The following BRINP3 variants were observed in gnomAD, a reference collection of about 807,000 sequenced individuals.
The protein encoded by BRINP3 is BMP/retinoic acid-inducible neural-specific protein 3.
A neutral mutation model predicts 71.0 loss-of-function variants in BRINP3; 19 were observed. The ratio of observed to expected loss-of-function variants is 0.27; its 90% CI spans 0.19 to 0.39. The LOEUF (loss-of-function observed/expected upper bound fraction) is 0.39, where lower values mean the gene tolerates loss of function less well. BRINP3 is among the 10% of genes least tolerant of loss of function. The pLI, the probability that BRINP3 is intolerant of heterozygous loss-of-function variation, is 1.00. For synonymous variants in BRINP3, 380 were observed against 337.7 expected (o/e 1.13, Z -1.37); for missense variants, 959 against 940.8 (o/e 1.02, Z -0.25).
chr1:190,152,195 T>G (rs1466789286), intron 7 of BRINP3, among the ~76,000 whole-genome samples: 1 of 152,070 alleles, frequency 6.6e-6, no homozygotes, highest in African/African-American at 2.4e-5. Flanking sequence ...TCAGTAAAAT[T>G]AATTCTTTTT....
chr1:190,368,050 C>T (rs765900729), intron 2 of BRINP3, among the ~76,000 whole-genome samples: 3 of 152,166 alleles, frequency 2.0e-5, no homozygotes, highest in Non-Finnish European at 2.9e-5. Context: ...ATCTTCAGAG[C>T]AGCACCCCAC....
At chr1:190,474,967 A>G (rs1412284336) in intron 1 of BRINP3, among the ~76,000 whole-genome samples, 2 of 151,980 alleles carry the variant, frequency 1.3e-5, no homozygotes, top group Admixed American at 6.6e-5. Flanking sequence ...TAAAAGGCCA[A>G]CTTTAAAGTG....
intron 1 of BRINP3, among the ~76,000 whole-genome samples, chr1:190,459,634 T>G (rs1190379490): frequency 6.6e-6 from 1 of 152,056 alleles, no homozygotes; most frequent in African/African-American, 2.4e-5. Flanking sequence ...GTGATAATTA[T>G]TACTATTTGT....
rs137855311 is a variant in BRINP3, at chr1:190,303,272, CTT to C, written c.237-21524_237-21523del. ...ACATAAATTAAATGATATAATGACTCTTATAGTGATAATTTAAATCCAATGTT... is the reference window on the plus strand; with the variant it reads ...ACATAAATTAAATGATATAATGACTCATAGTGATAATTTAAATCCAATGTT... On this transcript the variant is annotated intron_variant, in intron 2 of 7. Transcript: ENST00000367462. Among the ~76,000 whole-genome samples, 507 of 151,684 alleles carry C rather than the reference CTT, an allele frequency of 3.3e-3. 5 individuals are homozygous for C. The highest frequency in any genetic ancestry group is 0.011 in the African/African-American group (476 of 41,460).
intron 6 of BRINP3, among the ~76,000 whole-genome samples, chr1:190,199,851 A>G (rs368862027): frequency 6.6e-6 from 1 of 151,942 alleles, no homozygotes; most frequent in African/African-American, 2.4e-5. Context: ...ATTATACTTC[A>G]TTAAGTATAA....
At chr1:190,412,156 T>A (rs1169877125) in intron 2 of BRINP3, among the ~76,000 whole-genome samples, 1 of 151,540 alleles carries the variant, frequency 6.6e-6, no homozygotes. Context: ...AAAAAAAAAG[T>A]ACCTAACAGA....
chr1:190,385,534 C>A (rs1003743683), intron 2 of BRINP3, among the ~76,000 whole-genome samples: 5 of 151,816 alleles, frequency 3.3e-5, no homozygotes, highest in South Asian at 4.2e-4. Context: ...CAATGAGATA[C>A]CATCTCACAC....
chr1:190,237,102 T>C (rs1385102242), intron 4 of BRINP3, among the ~76,000 whole-genome samples: 5 of 151,862 alleles, frequency 3.3e-5, no homozygotes, highest in Non-Finnish European at 5.9e-5. Flanking sequence ...TAGACATACG[T>C]TTTGAGAATA....
chr1:190,331,054 T>G (rs1478341501), intron 2 of BRINP3, among the ~76,000 whole-genome samples: 1 of 151,746 alleles, frequency 6.6e-6, no homozygotes, highest in Non-Finnish European at 1.5e-5. Context: ...TGCAACAGAC[T>G]CAGGTAACAA....
At chr1:190,205,150 G>T (rs1022472943) in intron 6 of BRINP3, among the ~76,000 whole-genome samples, 2 of 151,934 alleles carry the variant, frequency 1.3e-5, no homozygotes, top group African/African-American at 4.8e-5. Flanking sequence ...GTCTCAGATG[G>T]GTAGGAGGCA....
At chr1:190,427,380 A>T (rs1474989552) in intron 2 of BRINP3, among the ~76,000 whole-genome samples, 1 of 152,010 alleles carries the variant, frequency 6.6e-6, no homozygotes, top group Non-Finnish European at 1.5e-5. Context: ...AAAGAACTAC[A>T]TGTAAAAATA....
At chr1:190,327,709 A>C (rs1051608013) in intron 2 of BRINP3, among the ~76,000 whole-genome samples, 1 of 152,152 alleles carries the variant, frequency 6.6e-6, no homozygotes, top group Non-Finnish European at 1.5e-5. Flanking sequence ...GGGGGACTTC[A>C]ATACTCCACT....
At chr1:190,275,318 A>G (rs943457638) in intron 3 of BRINP3, among the ~76,000 whole-genome samples, 1 of 151,574 alleles carries the variant, frequency 6.6e-6, no homozygotes, top group Non-Finnish European at 1.5e-5. Flanking sequence ...ATTTCTCAGA[A>G]CAGTTGATTA....
chr1:190,375,453 T>C (rs768693577), intron 2 of BRINP3, among the ~76,000 whole-genome samples: 32 of 152,018 alleles, frequency 2.1e-4, no homozygotes, highest in African/African-American at 7.5e-4. Context: ...TAAAAATATA[T>C]GTTTATCCCC....
At chr1:190,113,680 T>C (rs1166440768) in intron 7 of BRINP3, among the ~76,000 whole-genome samples, 4 of 152,076 alleles carry the variant, frequency 2.6e-5, no homozygotes, top group Non-Finnish European at 4.4e-5. Flanking sequence ...GAAATAACAA[T>C]AGCAAATTAC....
At chr1:190,389,018 C>T (rs1041513920) in intron 2 of BRINP3, among the ~76,000 whole-genome samples, 2 of 151,404 alleles carry the variant, frequency 1.3e-5, no homozygotes, top group Admixed American at 1.3e-4. Context: ...TGAATTAATG[C>T]TGAATAAAGG....
At chr1:190,102,890 T>A (rs1378382314) in intron 7 of BRINP3, among the ~76,000 whole-genome samples, 1 of 152,092 alleles carries the variant, frequency 6.6e-6, no homozygotes, top group African/African-American at 2.4e-5. Flanking sequence ...CACTTAAAAT[T>A]TAACTGGAAA....
chr1:190,325,999 A>G (rs913355646), intron 2 of BRINP3, among the ~76,000 whole-genome samples: 2 of 152,130 alleles, frequency 1.3e-5, no homozygotes, highest in African/African-American at 2.4e-5. Context: ...AGGAAGCTCA[A>G]TGAGATCCAA....
intron 6 of BRINP3, among the ~76,000 whole-genome samples, chr1:190,218,405 C>A (rs1315189865): frequency 1.3e-5 from 2 of 151,880 alleles, no homozygotes; most frequent in Non-Finnish European, 2.9e-5. Context: ...TGTAAATATA[C>A]CATGATTTTA....
Sources: gnomAD v4.1 joint callset for allele counts (sites outside exome capture counted in the v4.1 genomes callset) on GRCh38, gnomAD v4.1.1 for gene constraint, MANE v1.5 for transcripts, NCBI Gene and HGNC (gene_info 2026-07-23, HGNC 2026-07-21) for gene names.